The following HEATR4 variants were observed in gnomAD, a reference collection of about 807,000 sequenced individuals.
The protein encoded by HEATR4 is HEAT repeat containing 4.
HEATR4 carries 95 observed loss-of-function variants against 108.8 expected under a neutral mutation model. That is an observed-to-expected ratio of 0.87 (90% CI 0.74 to 1.04). The LOEUF is 1.04. HEATR4 is among the 50% of genes least tolerant of loss of function. The pLI is 0.00. For missense variants in HEATR4, 1,152 were observed against 1,253.8 expected, an observed-to-expected ratio of 0.92 and a Z score of 1.23; for synonymous variants, 443 against 459.4, an observed-to-expected ratio of 0.96 and a Z score of 0.46.
chr14:73,482,590 G>A (rs1432273374), intron 17 of HEATR4, among the ~76,000 whole-genome samples: 2 of 152,156 alleles, frequency 1.3e-5, no homozygotes, highest in Admixed American at 6.5e-5. Flanking sequence ...TGAATATTCT[G>A]TATAATATAT....
the HEATR4 span, among the ~76,000 whole-genome samples, chr14:73,622,128 C>T: frequency 6.6e-6 from 1 of 151,894 alleles, no homozygotes; most frequent in Admixed American, 6.6e-5. Context: ...CCCAAGTGGA[C>T]CTGCTACTGT....
rs1433255043 is a variant in HEATR4, at chr14:73,530,955, T to C, written c.-151-711A>G. ...CACCAGGCCTAATGTCCTGATTTTA[T>C]AAATCCCAAAACTGGGGCCCAGAGA... On this transcript the variant is annotated intron_variant, in intron 1 of 17. Transcript: ENST00000553558. The C allele has an allele frequency of 2.0e-5, 2 of 102,140 alleles. 1 individual carries two copies. Among genetic ancestry groups the C allele is most frequent in the Non-Finnish European group, 4.2e-5 (2 of 47,554 alleles). 6.3% of individuals were successfully genotyped at this position (102,140 alleles called of 1,614,324 possible). A position where few individuals can be genotyped will look rare whatever the true frequency, so the allele number is the denominator to read the frequency against.
the HEATR4 span, chr14:73,574,832 C>A: frequency 3.1e-6 from 5 of 1,606,274 alleles, no homozygotes; most frequent in African/African-American, 4.0e-5. Context: ...CAACTAACTT[C>A]CAGGGTGGAC....
At chr14:73,588,247 G>A in the HEATR4 span, among the ~76,000 whole-genome samples, 9 of 151,962 alleles carry the variant, frequency 5.9e-5, no homozygotes, top group South Asian at 2.1e-4. Flanking sequence ...TGATCCGCCC[G>A]CTTCAGCCTC....
chr14:73,491,461 G>A, intron 17 of HEATR4: 1 of 1,472,406 alleles, frequency 6.8e-7, no homozygotes. Flanking sequence ...CCTCGGCCCT[G>A]CTGTGCACCG....
upstream of HEATR4, among the ~76,000 whole-genome samples, chr14:73,559,120 A>G (rs1442470468): frequency 6.6e-6 from 1 of 151,932 alleles, no homozygotes; most frequent in African/African-American, 2.4e-5. Context: ...ATTGAATGGT[A>G]GTTTCATGGA....
At chr14:73,501,807 A>ACAG (rs1159741419) in intron 11 of HEATR4, among the ~76,000 whole-genome samples, 2 of 151,250 alleles carry the variant, frequency 1.3e-5, no homozygotes, top group East Asian at 3.9e-4. Context: ...AGGCTGGAGT[A>ACAG]CAGTGGCGTG....
chr14:73,584,881 C>T, the HEATR4 span, among the ~76,000 whole-genome samples: 2 of 151,410 alleles, frequency 1.3e-5, no homozygotes, highest in Non-Finnish European at 3.0e-5. Context: ...ACCAGTGCAT[C>T]CCACAGCTAT....
At chr14:73,483,879 G>GTC (rs2140241130) in intron 17 of HEATR4, among the ~76,000 whole-genome samples, 1 of 151,202 alleles carries the variant, frequency 6.6e-6, no homozygotes, top group Non-Finnish European at 1.5e-5. Flanking sequence ...TTGAGACGGA[G>GTC]TCTCATCTCT....
At chr14:73,595,149 T>G in the HEATR4 span, 1 of 1,614,232 alleles carries the variant, frequency 6.2e-7, no homozygotes, top group Non-Finnish European at 8.5e-7. Flanking sequence ...ACAGTTTCCA[T>G]CAATGGATCT....
chr14:73,569,351 C>G, the HEATR4 span: 1 of 1,613,864 alleles, frequency 6.2e-7, no homozygotes, highest in African/African-American at 1.3e-5. Context: ...ACCAATGGAG[C>G]CTGAAGAGTT....
chr14:73,559,708 C>T (rs562361068), upstream of HEATR4, among the ~76,000 whole-genome samples: 1 of 152,130 alleles, frequency 6.6e-6, no homozygotes, highest in East Asian at 1.9e-4. Context: ...GGCCATTGCA[C>T]TCCAGCCTGG....
the HEATR4 span, among the ~76,000 whole-genome samples, chr14:73,591,351 C>T: frequency 2.6e-5 from 4 of 152,194 alleles, no homozygotes; most frequent in East Asian, 7.8e-4. Context: ...AGTTCAAGAC[C>T]AGCCTGGCCA....
the HEATR4 span, among the ~76,000 whole-genome samples, chr14:73,573,756 C>G: frequency 2.0e-5 from 3 of 151,488 alleles, no homozygotes; most frequent in Admixed American, 2.0e-4. Context: ...GAGATGGAGT[C>G]TCACTCTGTT....
Position 73,553,070 on chromosome 14 carries a change from C to G in HEATR4, c.-152+5681G>C, listed in dbSNP as rs1018630360. On this transcript the variant is annotated intron_variant, in intron 1 of 17. Coordinates refer to ENST00000553558, the MANE Select transcript of HEATR4 (RefSeq NM_001220484.1). ...ATAGCCCCTGCCTGGCCCAGCAGGA[C>G]AGGCCTAGGTCAGGGCAAGGACAGG... 7.2e-4 allele frequency among the ~76,000 whole-genome samples: 83 copies of G among 115,950 alleles called. 27 individuals are homozygous for G. Among genetic ancestry groups the G allele is most frequent in the Middle Eastern group, 9.5e-3 (2 of 210 alleles). 76.1% of individuals were successfully genotyped at this position (115,950 alleles called of 152,430 possible). A position where few individuals can be genotyped will look rare whatever the true frequency, so the allele number is the denominator to read the frequency against.
At chr14:73,631,886 T>A in the HEATR4 span, 30,351 of 157,442 alleles carry the variant, frequency 0.19, 3,858 homozygotes, top group Non-Finnish European at 0.29. Context: ...GTGGCTTTCA[T>A]GATGTTCATG....
chr14:73,578,571 A>G, the HEATR4 span, among the ~76,000 whole-genome samples: 1 of 151,806 alleles, frequency 6.6e-6, no homozygotes, highest in Non-Finnish European at 1.5e-5. Context: ...TTTTCTTTTT[A>G]TTTTCAACCC....
intron 17 of HEATR4, among the ~76,000 whole-genome samples, chr14:73,487,158 TA>T (rs1055936768): frequency 1.6e-5 from 2 of 123,918 alleles, no homozygotes; most frequent in African/African-American, 6.0e-5. Flanking sequence ...TTGATTTTTT[TA>T]AAAGGGAATT....
At chr14:73,571,880 T>G in the HEATR4 span, among the ~76,000 whole-genome samples, 1 of 152,104 alleles carries the variant, frequency 6.6e-6, no homozygotes, top group African/African-American at 2.4e-5. Flanking sequence ...TACTGGATAC[T>G]TTTATATTAC....
Sources: allele counts gnomAD v4.1 joint callset (sites outside exome capture counted in the v4.1 genomes callset), GRCh38; gene constraint gnomAD v4.1.1; transcripts MANE v1.5; gene names NCBI Gene and HGNC (gene_info 2026-07-23, HGNC 2026-07-21).